Variants in RBBP8 observed in about 807,000 individuals in gnomAD.
RBBP8 encodes the protein RB binding protein 8, endonuclease.
Under a neutral mutation model 108.3 loss-of-function variants are expected in RBBP8, and 88 were observed. That is an observed-to-expected ratio of 0.81 (90% CI 0.68 to 0.97). RBBP8 has a LOEUF of 0.97. RBBP8 is among the 50% of genes least tolerant of loss of function. RBBP8 has a pLI of 0.00. For synonymous variants in RBBP8, 332 were observed against 348.2 expected (o/e 0.95, Z 0.52); for missense variants, 1,023 against 1,049.0 (o/e 0.98, Z 0.34).
chr18:23,019,976 A>G (rs2046322227), intron 17 of RBBP8, among the ~76,000 whole-genome samples: 1 of 151,400 alleles, frequency 6.6e-6, no homozygotes, highest in Admixed American at 6.6e-5. Flanking sequence ...GTTAGCCAGG[A>G]TGGTCTCGAT....
At chr18:22,937,963 C>G (rs924036463) in intron 2 of RBBP8, among the ~76,000 whole-genome samples, 2 of 151,812 alleles carry the variant, frequency 1.3e-5, no homozygotes, top group African/African-American at 4.8e-5. Context: ...GTACCTGGGA[C>G]TACAGGTGTG....
chr18:22,931,626 C>G (rs768375524), upstream of RBBP8, among the ~76,000 whole-genome samples: 1 of 152,086 alleles, frequency 6.6e-6, no homozygotes, highest in African/African-American at 2.4e-5. Flanking sequence ...TATCTGAATA[C>G]TAAGCAGTTT....
At chr18:22,955,784 G>A (rs923974569) in intron 4 of RBBP8, among the ~76,000 whole-genome samples, 2 of 151,978 alleles carry the variant, frequency 1.3e-5, no homozygotes, top group South Asian at 2.1e-4. Context: ...TTTTCACTGT[G>A]TTCGCCAGGA....
chr18:22,959,916 G>T (rs1397957878), intron 4 of RBBP8, among the ~76,000 whole-genome samples: 1 of 129,326 alleles, frequency 7.7e-6, no homozygotes, highest in African/African-American at 2.8e-5. Context: ...TTTTGAGACA[G>T]AGTCTCGCTC....
chr18:22,939,093 C>T (rs12966066), intron 2 of RBBP8, among the ~76,000 whole-genome samples: 1 of 152,136 alleles, frequency 6.6e-6, no homozygotes, highest in African/African-American at 2.4e-5. Flanking sequence ...ACATTTGTTT[C>T]TTGATTACCT....
intron 18 of RBBP8, 37 bp downstream of exon 18, chr18:23,022,307 T>C: frequency 6.4e-7 from 1 of 1,570,802 alleles, no homozygotes; most frequent in Non-Finnish European, 8.7e-7. Flanking sequence ...TAATTATTTT[T>C]TTTAAATACT....
At chr18:22,925,421 A>G (rs1909756856) in intron 3 of RBBP8, among the ~76,000 whole-genome samples, 1 of 152,218 alleles carries the variant, frequency 6.6e-6, no homozygotes, top group African/African-American at 2.4e-5. Context: ...CCTTAAACTT[A>G]GATTAACATG....
chr18:22,948,408 G>A (rs1326262199), intron 3 of RBBP8, among the ~76,000 whole-genome samples: 1 of 151,902 alleles, frequency 6.6e-6, no homozygotes, highest in Admixed American at 6.6e-5. Flanking sequence ...TGTTAAATGA[G>A]AAATGGCCAG....
chr18:23,021,921 C>G (rs980867492), intron 17 of RBBP8, among the ~76,000 whole-genome samples: 1 of 151,946 alleles, frequency 6.6e-6, no homozygotes, highest in Non-Finnish European at 1.5e-5. Context: ...GCAGGCACTT[C>G]ACAGACCAAC....
intron 10 of RBBP8, among the ~76,000 whole-genome samples, chr18:22,992,181 C>T (rs1915747860): frequency 6.6e-6 from 1 of 152,110 alleles, no homozygotes; most frequent in South Asian, 2.1e-4. Context: ...AACAAAAGAA[C>T]TTAGGTTCTC....
intron 6 of RBBP8, among the ~76,000 whole-genome samples, chr18:22,978,660 CAGAT>C (rs1914666400): frequency 6.6e-6 from 1 of 152,074 alleles, no homozygotes; most frequent in African/African-American, 2.4e-5. Context: ...AAAGCTAGGT[CAGAT>C]AGATTTCACA....
rs73398614 is a variant in RBBP8 at position 22,960,648 on chromosome 18, C to T, written c.249-8158C>T. On this transcript the variant is annotated intron_variant, in intron 4 of 18. Coordinates refer to ENST00000327155, the MANE Select transcript of RBBP8 (RefSeq NM_002894.3). ...TCTCGTTCAGTCATCCAAGCTGGGG[C>T]GCAGTAGTGCAATAATAGCTCACTG... is the stretch of plus-strand genomic sequence containing the variant. 3.3e-3 allele frequency among the ~76,000 whole-genome samples: 509 copies of T among 152,216 alleles called. 5 individuals are homozygous for T. Among genetic ancestry groups the T allele is most frequent in the African/African-American group, 0.012 (480 of 41,554 alleles).
At chr18:23,011,439 ATT>A (rs11438456) in intron 16 of RBBP8, among the ~76,000 whole-genome samples, 1 of 139,166 alleles carries the variant, frequency 7.2e-6, no homozygotes, top group Non-Finnish European at 1.5e-5. Flanking sequence ...CTTTGATGCT[ATT>A]TTTTTTTTTT....
chr18:22,979,258 C>T (rs1325406904), intron 6 of RBBP8, among the ~76,000 whole-genome samples: 2 of 152,006 alleles, frequency 1.3e-5, no homozygotes, highest in Non-Finnish European at 2.9e-5. Flanking sequence ...GAAGGAGACT[C>T]CGTCTCAAAA....
chr18:22,986,000 C>G (rs1000010761), intron 8 of RBBP8, among the ~76,000 whole-genome samples: 6 of 151,842 alleles, frequency 4.0e-5, no homozygotes, highest in African/African-American at 9.7e-5. Flanking sequence ...CCCCTCCCCC[C>G]AGTCCCTTCC....
Position 23,004,028 on chromosome 18 carries a change from G to C in RBBP8, c.2287+2299G>C, listed in dbSNP as rs551155792. Among the ~76,000 whole-genome samples the C allele has an allele frequency of 4.7e-5, 6 of 127,382 alleles. No homozygotes were observed. In the East Asian group the frequency reaches 1.5e-3, roughly 32 times the overall value. The allele number at this position is 127,382 out of a possible 152,430, so 83.6% of individuals were successfully genotyped here. A position where few individuals can be genotyped will look rare whatever the true frequency, so the allele number is the denominator to read the frequency against. On this transcript the variant is annotated intron_variant, in intron 15 of 18. Transcript: ENST00000327155. ...GCCAAGATCACGCCACTGTGCTCCA[G>C]CCTGGGCAACAGCGCAAGACCCCGT...
intron 5 of RBBP8, among the ~76,000 whole-genome samples, 178 bp from the exon 6 acceptor site, chr18:22,974,975 A>G (rs1914395222): frequency 6.6e-6 from 1 of 152,072 alleles, no homozygotes; most frequent in African/African-American, 2.4e-5. Flanking sequence ...GAGATGTAGT[A>G]CTCCCTACCT....
intron 4 of RBBP8, among the ~76,000 whole-genome samples, chr18:22,959,876 T>TTG (rs1421272987): frequency 3.8e-4 from 56 of 146,242 alleles, no homozygotes; most frequent in Non-Finnish European, 5.9e-4. Context: ...CTTTCTTTTT[T>TTG]TTTTTTTTTT....
At chr18:22,967,281 G>C (rs1479839287) in intron 4 of RBBP8, among the ~76,000 whole-genome samples, 1 of 151,054 alleles carries the variant, frequency 6.6e-6, no homozygotes, top group African/African-American at 2.4e-5. Flanking sequence ...CAGGAGAATG[G>C]TGTGAACCCA....
Sources: gnomAD v4.1 joint callset for allele counts (sites outside exome capture counted in the v4.1 genomes callset) on GRCh38, gnomAD v4.1.1 for gene constraint, MANE v1.5 for transcripts, NCBI Gene and HGNC (gene_info 2026-07-23, HGNC 2026-07-21) for gene names.